The following HINFP variants were observed in gnomAD, a reference collection of about 807,000 sequenced individuals.
HINFP encodes histone H4 transcription factor, also known as MBD2 (methyl-CpG-binding protein)-interacting zinc finger protein.
Under a neutral mutation model 50.1 loss-of-function variants are expected in HINFP, and 20 were observed. That is an observed-to-expected ratio of 0.40 (90% CI 0.28 to 0.58). HINFP has a LOEUF of 0.58. Ranked by LOEUF, HINFP falls within the 20% of genes least tolerant of loss-of-function variation. HINFP has a pLI of 0.45. For missense variants in HINFP, 505 were observed against 664.1 expected, an observed-to-expected ratio of 0.76 and a Z score of 2.63; for synonymous variants, 247 against 243.7, an observed-to-expected ratio of 1.01 and a Z score of -0.13.
Position 119,133,124 on chromosome 11 carries a change from T to A in HINFP, c.1044T>A (p.His348Gln). 6.2e-7 allele frequency: 1 copy of A among 1,614,252 alleles called. No homozygotes were observed. Among genetic ancestry groups the A allele is most frequent in the Non-Finnish European group, 8.5e-7 (1 of 1,180,046 alleles). The change falls in exon 9 of 10, where the codon CAT becomes CAA. Residue 348 changes from histidine (H) to glutamine (Q), a missense_variant. His to Gln is a conservative substitution (Grantham distance 24). Transcript: ENST00000350777. ...ACTCTGAGCCAAGGTACAAATGTCA[T>A]GTGTGTGACAAATGCTTCACACGGG... is the stretch of plus-strand genomic sequence containing the variant. The part of the protein sequence containing the change: ...EGDSEPRYKC[H>Q]VCDKCFTRGN...
intron 9 of HINFP, 132 bp from the exon 10 acceptor site, chr11:119,133,952 T>G: frequency 8.2e-7 from 1 of 1,215,278 alleles, no homozygotes; most frequent in Middle Eastern, 2.4e-4. Context: ...AGACCTTTTT[T>G]GTCTTCAACT....
rs1251339435 is a variant in HINFP, at chr11:119,131,604, G to T, written c.481G>T (p.Ala161Ser). The change falls in exon 4 of 10, where the codon GCA becomes TCA. Residue 161 changes from alanine to serine, a missense_variant. Ala to Ser is a moderately conservative substitution (Grantham distance 99, BLOSUM62 1). Transcript: ENST00000350777. This position sits in a 1 kb window ranked among gnomAD's most constrained non-coding sequence, Gnocchi z 4.2. ...ACACAGTCTGTGCTGTGAATACGAA[G>T]CAGTCGGCAAGGACAACCCGGTGGT... ...EAHSLCCEYE[A>S]VGKDNPVVLC... The T allele has an allele frequency of 1.9e-6, 3 of 1,614,188 alleles. No individual in the cohort carries two copies. The highest frequency in any genetic ancestry group is 1.6e-4 in the Middle Eastern group (1 of 6,062).
Position 119,123,512 on chromosome 11 carries a change from A to G in HINFP, c.-11+1873A>G, listed in dbSNP as rs202184049. Reference sequence around the variant, plus strand: ...TTTTTTCTACTTTTCTTACCACAACATTATAAAAGCAGTCAATATTCAATA... The same window carrying G: ...TTTTTTCTACTTTTCTTACCACAACGTTATAAAAGCAGTCAATATTCAATA... On this transcript the variant is annotated intron_variant, in intron 1 of 9. Transcript: ENST00000350777. Among the ~76,000 whole-genome samples the G allele has an allele frequency of 4.0e-5, 6 of 151,280 alleles. No individual in the cohort carries two copies. In the East Asian group the frequency reaches 1.2e-3, roughly 29 times the overall value.
intron 9 of HINFP, 120 bp downstream of exon 9, chr11:119,133,339 G>A: frequency 7.9e-7 from 1 of 1,268,470 alleles, no homozygotes; most frequent in Admixed American, 2.0e-5. Flanking sequence ...CCAGCACTTT[G>A]GGAGGCCAAG....
In HINFP at chr11:119,126,989, A is replaced by G. The variant is rs779203770; in HGVS notation, c.45A>G (p.Leu15=). Residue 15 remains leucine (L), a synonymous_variant, in exon 2 of 10, where the codon CTA becomes CTG. Transcript: ENST00000350777. The stretch of plus-strand genomic sequence containing the variant: ...TTCCCCGAAAGGAGAATCTGTGGCT[A>G]CAGTGTGAGTGGGGGTCCTGCTCCT... ...GKVPRKENLW[L]QCEWGSCSFV... 4.6e-5 allele frequency: 74 copies of G among 1,613,966 alleles called. 3 individuals are homozygous for G. In the South Asian group the frequency reaches 7.6e-4, roughly 17 times the overall value.
At chr11:119,128,407 G>A (rs758311541) in intron 2 of HINFP, among the ~76,000 whole-genome samples, 1 of 151,940 alleles carries the variant, frequency 6.6e-6, no homozygotes, top group Non-Finnish European at 1.5e-5. Flanking sequence ...CTCGGTTCAA[G>A]CGATTCTTCT....
chr11:119,133,772 G>A (rs2135088582), intron 9 of HINFP: 2 of 483,476 alleles, frequency 4.1e-6, no homozygotes, highest in South Asian at 3.0e-5. Flanking sequence ...TAGAGCTAGA[G>A]TCTAAGGGTT....
intron 9 of HINFP, chr11:119,133,702 A>G (rs1592288838): frequency 3.5e-6 from 1 of 284,288 alleles, no homozygotes; most frequent in Admixed American, 4.6e-5. Context: ...TGTTTTTTGA[A>G]TCTTGTAAGG....
In HINFP at chr11:119,131,745, C is replaced by T; in HGVS notation, c.524-85C>T. 2 of 1,601,916 alleles carry T rather than the reference C, an allele frequency of 1.2e-6. No homozygotes were observed. Among genetic ancestry groups the T allele is most frequent in the Non-Finnish European group, 1.7e-6 (2 of 1,170,304 alleles). On this transcript the variant is annotated intron_variant, in intron 4 of 9. Transcript: ENST00000350777. This position sits in a 1 kb window ranked among gnomAD's most constrained non-coding sequence, Gnocchi z 4.2. ...AGGGGTCCTACAGGGGCAAGGTTGACTGCCGGCTGGAGAGACTCAGGGGTA... is the reference window on the plus strand; with the variant it reads ...AGGGGTCCTACAGGGGCAAGGTTGATTGCCGGCTGGAGAGACTCAGGGGTA...
intron 1 of HINFP, among the ~76,000 whole-genome samples, chr11:119,123,005 C>A (rs1169438596): frequency 1.3e-5 from 2 of 151,518 alleles, no homozygotes; most frequent in Non-Finnish European, 2.9e-5. Flanking sequence ...TGCTTATAGT[C>A]CCAGCTATAA....
Position 119,134,714 on chromosome 11 carries a change from A to G in HINFP, c.*216A>G, listed in dbSNP as rs1422918636. 1.2e-5 allele frequency: 6 copies of G among 503,116 alleles called. No homozygotes were observed. Among genetic ancestry groups the G allele is most frequent in the Non-Finnish European group, 2.1e-5 (6 of 283,456 alleles). The allele number at this position is 503,116 out of a possible 1,614,324, so 31.2% of individuals were successfully genotyped here. ...TTTGTGGGGAGCCTGAGGACTCTGG[A>G]TTCTTTGAGGGGATCCTGGATGTGT... is the stretch of plus-strand genomic sequence containing the variant. On this transcript the variant is annotated 3_prime_UTR_variant, in exon 10 of 10. Transcript: ENST00000350777. The surrounding 1 kb of genome is among the most constrained non-coding windows in gnomAD (Gnocchi z 4.3).
chr11:119,132,193 A>G (rs1947799965), intron 5 of HINFP: 2 of 626,534 alleles, frequency 3.2e-6, no homozygotes, highest in Middle Eastern at 4.3e-4. Flanking sequence ...TTACTTAGGG[A>G]ATCCTCACAA....
intron 1 of HINFP, chr11:119,126,012 A>G (rs1947377352): frequency 2.0e-5 from 3 of 152,238 alleles, no homozygotes; most frequent in Admixed American, 2.0e-4. Context: ...TGAGCAAGTC[A>G]GTTGACCTCT....
At position 119,135,753 on chromosome 11, in the gene HINFP, A is replaced by G. The variant is rs1177448133; in HGVS notation, c.*1255A>G. 6.6e-6 allele frequency: 1 copy of G among 152,142 alleles called. No individual in the cohort carries two copies. Among genetic ancestry groups the G allele is most frequent in the East Asian group, 1.9e-4 (1 of 5,186 alleles). The allele number at this position is 152,142 out of a possible 1,614,324, so 9.4% of individuals were successfully genotyped here. A position where few individuals can be genotyped will look rare whatever the true frequency, so the allele number is the denominator to read the frequency against. On this transcript the variant is annotated 3_prime_UTR_variant, in exon 10 of 10. Transcript: ENST00000350777. The stretch of plus-strand genomic sequence containing the variant: ...CTATTACTAGAAAAACTAAGGCTGA[A>G]TGCAGTGGTTCACGCCTGTAATCCC...
intron 5 of HINFP, 166 bp downstream of exon 5, chr11:119,132,148 C>A: frequency 1.4e-6 from 1 of 711,576 alleles, no homozygotes; most frequent in Non-Finnish European, 2.4e-6. Flanking sequence ...GATTCGTAGG[C>A]ATTGTTATTC....
chr11:119,134,591 G>C lies in HINFP; in HGVS notation c.*93G>C. The C allele has an allele frequency of 1.0e-6, 1 of 975,370 alleles. No individual in the cohort carries two copies. Among genetic ancestry groups the C allele is most frequent in the South Asian group, 1.7e-5 (1 of 58,910 alleles). The allele number at this position is 975,370 out of a possible 1,614,324, so 60.4% of individuals were successfully genotyped here. A position where few individuals can be genotyped will look rare whatever the true frequency, so the allele number is the denominator to read the frequency against. ...TAGTGGGCAGCCGTTGCCAATGGAT[G>C]CCTTTAGGAGTGGTGCCGAGAGCAG... On this transcript the variant is annotated 3_prime_UTR_variant, in exon 10 of 10. Transcript: ENST00000350777. The surrounding 1 kb of genome is among the most constrained non-coding windows in gnomAD (Gnocchi z 4.3).
In HINFP at chr11:119,132,545, G is replaced by C. The variant is rs996607907; in HGVS notation, c.726G>C (p.Arg242=). ...SHCSKRFATE[R]LLRDHMRNHV... ...GTTCCAAGAGATTTGCCACAGAGCGGCTATTGCGGGACCACATGCGCAACC... is the reference window on the plus strand; with the variant it reads ...GTTCCAAGAGATTTGCCACAGAGCGCCTATTGCGGGACCACATGCGCAACC... Residue 242 remains arginine, a synonymous_variant, in exon 6 of 10, where the codon CGG becomes CGC. Coordinates refer to ENST00000350777, the MANE Select transcript of HINFP (RefSeq NM_198971.3). 27 of 1,614,036 alleles carry C rather than the reference G, an allele frequency of 1.7e-5. No homozygotes were observed. Among genetic ancestry groups the C allele is most frequent in the Non-Finnish European group, 2.0e-5 (24 of 1,180,046 alleles).
intron 2 of HINFP, chr11:119,130,477 CT>C: frequency 4.0e-6 from 2 of 499,504 alleles, no homozygotes; most frequent in South Asian, 4.8e-5. Flanking sequence ...GATGAATATG[CT>C]TTCTCCCTGA....
chr11:119,130,773 A>G lies in HINFP; in HGVS notation c.230A>G (p.Asp77Gly), dbSNP rs751670704. Residue 77 changes from aspartate (D) to glycine (G), a missense_variant, in exon 3 of 10, where the codon GAC becomes GGC. Transcript: ENST00000350777. ...CAGGAATGTGGCTTTTGTTCTCTGGACAGTTCTGCTGACCTCATCCGCCAT... is the reference window on the plus strand; with the variant it reads ...CAGGAATGTGGCTTTTGTTCTCTGGGCAGTTCTGCTGACCTCATCCGCCAT... ...LWQECGFCSL[D>G]SSADLIRHVY... The G allele has an allele frequency of 2.3e-5, 37 of 1,614,060 alleles. No homozygotes were observed. The highest frequency in any genetic ancestry group is 2.9e-5 in the Non-Finnish European group (34 of 1,180,044).
Sources: gnomAD v4.1 joint callset for allele counts (sites outside exome capture counted in the v4.1 genomes callset) on GRCh38, gnomAD v4.1.1 for gene constraint, Gnocchi (gnomAD v3.1) non-coding constraint, MANE v1.5 for transcripts, NCBI Gene and HGNC (gene_info 2026-07-23, HGNC 2026-07-21) for gene names.